Variants in RASEF observed in about 807,000 individuals in gnomAD.
RASEF encodes the protein RAS and EF-hand domain containing.
Under a neutral mutation model 90.1 loss-of-function variants are expected in RASEF, and 68 were observed. The observed-to-expected ratio is 0.75, with a 90% CI of 0.62 to 0.92. The LOEUF is 0.92. Ranked by LOEUF, RASEF falls within the 40% of genes least tolerant of loss-of-function variation. The pLI is 0.00. For missense variants in RASEF, 949 were observed against 937.2 expected (o/e 1.01, Z -0.16); for synonymous variants, 331 against 345.2 (o/e 0.96, Z 0.46).
At chr9:83,001,241 G>C in intron 9 of RASEF, 111 bp from the exon 10 acceptor site, 2 of 694,986 alleles carry the variant, frequency 2.9e-6, no homozygotes, top group Non-Finnish European at 4.9e-6. Flanking sequence ...CTGTGGCTAA[G>C]AGCCGCAGTG....
intron 1 of RASEF, among the ~76,000 whole-genome samples, chr9:83,037,181 T>C (rs757660121): frequency 1.3e-5 from 2 of 152,198 alleles, no homozygotes; most frequent in Non-Finnish European, 2.9e-5. Flanking sequence ...TCTGCACAAA[T>C]TTTTATTACA....
chr9:83,093,308 C>T, the RASEF span, among the ~76,000 whole-genome samples: 1 of 152,218 alleles, frequency 6.6e-6, no homozygotes, highest in Admixed American at 6.5e-5. Flanking sequence ...CACTGCTCAG[C>T]CCTTGGGTGG....
At chr9:83,039,696 A>G (rs73469482) in intron 1 of RASEF, among the ~76,000 whole-genome samples, 5,675 of 152,312 alleles carry the variant, frequency 0.037, 332 homozygotes, top group African/African-American at 0.13. Context: ...ACCAGTCTTC[A>G]GCGTGCTGCT....
chr9:83,152,898 C>G, the RASEF span, among the ~76,000 whole-genome samples: 1 of 152,122 alleles, frequency 6.6e-6, no homozygotes, highest in African/African-American at 2.4e-5. Flanking sequence ...TCCTTGCTAG[C>G]CACAGACACC....
At chr9:83,080,295 A>G in the RASEF span, among the ~76,000 whole-genome samples, 1 of 152,230 alleles carries the variant, frequency 6.6e-6, no homozygotes, top group Non-Finnish European at 1.5e-5. Context: ...TACATAAAGG[A>G]GACAGTCATG....
chr9:83,000,001 A>G (rs1362500605), intron 12 of RASEF, among the ~76,000 whole-genome samples, 168 bp downstream of exon 12: 1 of 48,308 alleles, frequency 2.1e-5, no homozygotes, highest in Non-Finnish European at 4.9e-5. Context: ...ACACACACAC[A>G]CACACACACA....
the RASEF span, among the ~76,000 whole-genome samples, chr9:83,116,538 A>G: frequency 3.0e-4 from 45 of 152,188 alleles, no homozygotes; most frequent in Non-Finnish European, 5.7e-4. Context: ...AGAGAAGGGT[A>G]TAATCAAAGT....
chr9:82,980,617 CAT>C lies in RASEF; in HGVS notation c.*2058_*2059del, dbSNP rs1286938387. 20 of 152,254 alleles carry C rather than the reference CAT, an allele frequency of 1.3e-4. No individual in the cohort carries two copies. The highest frequency in any genetic ancestry group is 4.6e-4 in the African/African-American group (19 of 41,570). The allele number at this position is 152,254 out of a possible 1,614,324, so 9.4% of individuals were successfully genotyped here. A position where few individuals can be genotyped will look rare whatever the true frequency, so the allele number is the denominator to read the frequency against. On this transcript the variant is annotated 3_prime_UTR_variant, in exon 17 of 17. Coordinates refer to ENST00000376447, the MANE Select transcript of RASEF (RefSeq NM_152573.4). ...AGAATAAATAAAGGCAACACAGTAACATATAAACTAACACAGTTTTGTGCAAC... is the reference window on the plus strand; with the variant it reads ...AGAATAAATAAAGGCAACACAGTAACATAAACTAACACAGTTTTGTGCAAC...
the RASEF span, among the ~76,000 whole-genome samples, chr9:83,155,724 G>C: frequency 5.3e-5 from 8 of 152,312 alleles, no homozygotes; most frequent in African/African-American, 1.9e-4. Flanking sequence ...TTTAGAGCTT[G>C]AATGGGTTGA....
chr9:82,980,093 A>T lies in RASEF; in HGVS notation c.*2584T>A, dbSNP rs1828571287. ...TTATCCAACATTATTTTCCACAATG[A>T]AATTAAAATATTTTACAATGTATCA... On this transcript the variant is annotated 3_prime_UTR_variant, in exon 17 of 17. Transcript: ENST00000376447. The T allele has an allele frequency of 6.6e-6, 1 of 152,234 alleles. No homozygotes were observed. The highest frequency in any genetic ancestry group is 2.1e-4 in the South Asian group (1 of 4,838). 9.4% of individuals were successfully genotyped at this position (152,234 alleles called of 1,614,324 possible). A position where few individuals can be genotyped will look rare whatever the true frequency, so the allele number is the denominator to read the frequency against.
At chr9:83,197,953 G>A in the RASEF span, among the ~76,000 whole-genome samples, 1 of 152,200 alleles carries the variant, frequency 6.6e-6, no homozygotes, top group Non-Finnish European at 1.5e-5. Context: ...TTGCTCAATG[G>A]TAGCACGGCT....
chr9:83,142,499 T>C, the RASEF span, among the ~76,000 whole-genome samples: 2 of 152,340 alleles, frequency 1.3e-5, no homozygotes, highest in South Asian at 4.1e-4. Context: ...TTGCAAAAGT[T>C]AGAGCCTGAA....
At chr9:83,123,237 C>CAAA in the RASEF span, among the ~76,000 whole-genome samples, 606 of 83,308 alleles carry the variant, frequency 7.3e-3, 24 homozygotes, top group African/African-American at 0.018. Context: ...GAGACTCCAT[C>CAAA]AAAAAAAAAA....
At chr9:83,136,671 T>C in the RASEF span, among the ~76,000 whole-genome samples, 1 of 152,134 alleles carries the variant, frequency 6.6e-6, no homozygotes, top group Non-Finnish European at 1.5e-5. Flanking sequence ...CACATATTTA[T>C]TCTTGCAATG....
the RASEF span, among the ~76,000 whole-genome samples, chr9:83,181,940 T>C: frequency 1.3e-5 from 2 of 152,218 alleles, no homozygotes; most frequent in Non-Finnish European, 1.5e-5. Context: ...CTTTTCTGCA[T>C]TGATCCACTT....
At chr9:83,038,140 C>T (rs756559240) in intron 1 of RASEF, among the ~76,000 whole-genome samples, 1 of 151,990 alleles carries the variant, frequency 6.6e-6, no homozygotes, top group African/African-American at 2.4e-5. Context: ...TAAACGAACA[C>T]AACTTGGTAA....
chr9:83,141,410 G>C, the RASEF span, among the ~76,000 whole-genome samples: 2 of 152,064 alleles, frequency 1.3e-5, no homozygotes, highest in Non-Finnish European at 2.9e-5. Flanking sequence ...TGACATCCTT[G>C]AGAAAAAAGA....
chr9:83,205,656 T>G, the RASEF span, among the ~76,000 whole-genome samples: 1 of 152,098 alleles, frequency 6.6e-6, no homozygotes, highest in African/African-American at 2.4e-5. Context: ...TCCTCTGGAG[T>G]AGGCATCTCT....
chr9:83,016,367 C>T (rs1342173264), intron 3 of RASEF, among the ~76,000 whole-genome samples: 2 of 151,850 alleles, frequency 1.3e-5, no homozygotes. Context: ...AAAGTGCCTC[C>T]CTGTGGCCTG....
Sources: allele counts gnomAD v4.1 joint callset (sites outside exome capture counted in the v4.1 genomes callset), GRCh38; gene constraint gnomAD v4.1.1; transcripts MANE v1.5; gene names NCBI Gene and HGNC (gene_info 2026-07-23, HGNC 2026-07-21).